The following HPSE2 variants were observed in gnomAD, a reference collection of about 807,000 sequenced individuals.
HPSE2 encodes the protein heparanase 2 (inactive).
HPSE2 carries 38 observed loss-of-function variants against 60.5 expected under a neutral mutation model. That is an observed-to-expected ratio of 0.63 (90% CI 0.48 to 0.82). The LOEUF (loss-of-function observed/expected upper bound fraction) is 0.82, where lower values mean the gene tolerates loss of function less well. Among genes scored for constraint, HPSE2 ranks in the 40% least tolerant of loss-of-function variants. The pLI is 0.00. For synonymous variants in HPSE2, 295 were observed against 293.2 expected (o/e 1.01, Z -0.06); for missense variants, 713 against 740.4 (o/e 0.96, Z 0.43).
intron 3 of HPSE2, among the ~76,000 whole-genome samples, chr10:98,967,527 T>G (rs531140752): frequency 1.3e-5 from 2 of 152,140 alleles, no homozygotes; most frequent in South Asian, 4.1e-4. Flanking sequence ...TTTTATTTGG[T>G]TTCTCGATTG....
intron 9 of HPSE2, among the ~76,000 whole-genome samples, chr10:98,497,373 TTGTG>T (rs1298380312): frequency 6.6e-6 from 1 of 152,150 alleles, no homozygotes; most frequent in Non-Finnish European, 1.5e-5. Flanking sequence ...AATGAGGACT[TTGTG>T]TGTATGTGTG....
intron 6 of HPSE2, among the ~76,000 whole-genome samples, chr10:98,681,074 C>T (rs1358828631): frequency 1.5e-4 from 3 of 20,110 alleles, no homozygotes; most frequent in Non-Finnish European, 1.2e-3. Context: ...CTGAATTGGT[C>T]ATTTTTTTTT....
At chr10:99,051,874 G>A (rs1201840848) in intron 3 of HPSE2, among the ~76,000 whole-genome samples, 1 of 151,722 alleles carries the variant, frequency 6.6e-6, no homozygotes, top group Non-Finnish European at 1.5e-5. Flanking sequence ...AAACAGACCT[G>A]CTCTAGAAAA....
At chr10:99,232,193 G>C (rs1422627105) in intron 2 of HPSE2, among the ~76,000 whole-genome samples, 155 bp downstream of exon 2, 1 of 147,830 alleles carries the variant, frequency 6.8e-6, no homozygotes, top group South Asian at 2.2e-4. Context: ...CTCCAAATCT[G>C]CCCCAACGCG....
chr10:99,112,585 G>A (rs556164571), intron 3 of HPSE2, among the ~76,000 whole-genome samples: 5 of 152,102 alleles, frequency 3.3e-5, no homozygotes, highest in Admixed American at 1.3e-4. Flanking sequence ...CACCGTGCCC[G>A]GCCAAAAATG....
At chr10:99,030,617 C>A (rs1488603902) in intron 3 of HPSE2, among the ~76,000 whole-genome samples, 2 of 152,234 alleles carry the variant, frequency 1.3e-5, no homozygotes, top group Middle Eastern at 3.4e-3. Flanking sequence ...AGCTATCATA[C>A]AATCCGGCAA....
At chr10:99,139,334 T>C (rs758396327) in intron 3 of HPSE2, among the ~76,000 whole-genome samples, 34 of 152,158 alleles carry the variant, frequency 2.2e-4, no homozygotes, top group Non-Finnish European at 1.0e-4. Context: ...TTGGGTAGAA[T>C]GTACACTACT....
intron 9 of HPSE2, among the ~76,000 whole-genome samples, chr10:98,560,160 G>A (rs1944130551): frequency 6.6e-6 from 1 of 152,148 alleles, no homozygotes; most frequent in Non-Finnish European, 1.5e-5. Flanking sequence ...CTCTCTCTGA[G>A]TCGCTTAGTT....
intron 3 of HPSE2, among the ~76,000 whole-genome samples, chr10:98,807,801 T>C (rs542332080): frequency 6.6e-6 from 1 of 152,324 alleles, no homozygotes; most frequent in Admixed American, 6.5e-5. Context: ...AAAATAATTA[T>C]AAAAGAAATA....
At chr10:98,703,800 A>G (rs757128419) in intron 5 of HPSE2, among the ~76,000 whole-genome samples, 1 of 152,204 alleles carries the variant, frequency 6.6e-6, no homozygotes, top group Non-Finnish European at 1.5e-5. Flanking sequence ...TGACAAACCT[A>G]CAGCCAATAT....
At chr10:98,767,556 T>G (rs1408448041) in intron 3 of HPSE2, among the ~76,000 whole-genome samples, 1 of 147,224 alleles carries the variant, frequency 6.8e-6, no homozygotes, top group Non-Finnish European at 1.5e-5. Context: ...TATACATATA[T>G]GTATATTATG....
chr10:98,909,608 G>C (rs1160948496), intron 3 of HPSE2, among the ~76,000 whole-genome samples: 1 of 149,318 alleles, frequency 6.7e-6, no homozygotes, highest in Admixed American at 6.7e-5. Context: ...CAGCCTGGGC[G>C]ACAGAGTGAG....
At chr10:98,771,084 A>C (rs2134419934) in intron 3 of HPSE2, among the ~76,000 whole-genome samples, 1 of 152,292 alleles carries the variant, frequency 6.6e-6, no homozygotes, top group South Asian at 2.1e-4. Context: ...GCCCTGGGAA[A>C]AAATGAGAAA....
intron 5 of HPSE2, among the ~76,000 whole-genome samples, chr10:98,702,127 T>G (rs552061353): frequency 2.8e-4 from 42 of 152,018 alleles, no homozygotes; most frequent in African/African-American, 9.2e-4. Context: ...ACCAAGCAAA[T>G]GGAACACTCA....
intron 3 of HPSE2, among the ~76,000 whole-genome samples, chr10:98,952,314 T>TTG (rs59116303): frequency 0.069 from 9,423 of 137,364 alleles, 484 homozygotes; most frequent in African/African-American, 0.14. Flanking sequence ...AAGAATTTGT[T>TTG]TGTGTGTGTG....
At chr10:98,907,662 T>C (rs1319191938) in intron 3 of HPSE2, among the ~76,000 whole-genome samples, 2 of 152,180 alleles carry the variant, frequency 1.3e-5, no homozygotes, top group African/African-American at 2.4e-5. Flanking sequence ...GAGACAGATC[T>C]GGATTTAAAT....
At chr10:99,033,174 T>A (rs566812455) in intron 3 of HPSE2, among the ~76,000 whole-genome samples, 4 of 152,314 alleles carry the variant, frequency 2.6e-5, no homozygotes, top group African/African-American at 9.6e-5. Context: ...TACATATATA[T>A]TTCTTATTTA....
At chr10:98,631,759 T>C (rs1442032465) in intron 7 of HPSE2, among the ~76,000 whole-genome samples, 2 of 152,216 alleles carry the variant, frequency 1.3e-5, no homozygotes, top group Non-Finnish European at 2.9e-5. Context: ...AGCCTGTGCA[T>C]ATGAAACATA....
chr10:98,550,383 T>G (rs1412277062), intron 9 of HPSE2, among the ~76,000 whole-genome samples: 1 of 151,982 alleles, frequency 6.6e-6, no homozygotes, highest in Non-Finnish European at 1.5e-5. Flanking sequence ...AACCTCAAAC[T>G]CCTGAGTTCA....
Sources: allele counts gnomAD v4.1 joint callset (sites outside exome capture counted in the v4.1 genomes callset), GRCh38; gene constraint gnomAD v4.1.1; transcripts MANE v1.5; gene names NCBI Gene and HGNC (gene_info 2026-07-23, HGNC 2026-07-21).